The following B3GALT1 variants were observed in gnomAD, a reference collection of about 807,000 sequenced individuals.
B3GALT1 encodes the protein UDP-Gal:betaGlcNAc beta 1,3-galactosyltransferase, polypeptide 1.
A neutral mutation model predicts 23.2 loss-of-function variants in B3GALT1; 10 were observed. The observed-to-expected ratio is 0.43, with a 90% CI of 0.27 to 0.73. The LOEUF (loss-of-function observed/expected upper bound fraction) is 0.73. B3GALT1 is among the 30% of genes least tolerant of loss of function. The probability of loss-of-function intolerance (pLI) is 0.21; values close to 1 mark genes in which losing one functional copy is unlikely to be tolerated. For missense variants in B3GALT1, 299 were observed against 405.4 expected (o/e 0.74, Z 2.25); for synonymous variants, 156 against 141.5 (o/e 1.10, Z -0.73).
chr2:167,794,546 C>T (rs1444982589), intron 3 of B3GALT1, among the ~76,000 whole-genome samples: 1 of 152,178 alleles, frequency 6.6e-6, no homozygotes, highest in Non-Finnish European at 1.5e-5. Flanking sequence ...TGACTCCTCC[C>T]TAGCCAACCT....
chr2:167,735,772 G>A (rs887978505), intron 3 of B3GALT1, among the ~76,000 whole-genome samples: 3 of 152,160 alleles, frequency 2.0e-5, no homozygotes, highest in Non-Finnish European at 4.4e-5. Flanking sequence ...ATCCAGTGAA[G>A]AATATATTAA....
intron 2 of B3GALT1, among the ~76,000 whole-genome samples, chr2:167,643,742 C>A (rs1278578691): frequency 1.3e-5 from 2 of 152,188 alleles, no homozygotes; most frequent in Admixed American, 6.5e-5. Flanking sequence ...TGAACAGTAT[C>A]TGTTTACAAA....
chr2:167,327,960 C>T (rs1696920244), intron 1 of B3GALT1, among the ~76,000 whole-genome samples: 1 of 152,164 alleles, frequency 6.6e-6, no homozygotes, highest in African/African-American at 2.4e-5. Context: ...AATACTTTTT[C>T]TGCATCTATT....
intron 3 of B3GALT1, among the ~76,000 whole-genome samples, chr2:167,769,648 A>G (rs1688038412): frequency 1.3e-5 from 2 of 152,156 alleles, no homozygotes; most frequent in South Asian, 4.1e-4. Context: ...TATCATATAA[A>G]TAGCATCATA....
chr2:167,609,401 G>A (rs1685020061), intron 2 of B3GALT1, among the ~76,000 whole-genome samples: 1 of 152,094 alleles, frequency 6.6e-6, no homozygotes, highest in African/African-American at 2.4e-5. Context: ...GCCAACTTAA[G>A]CTGATTTAGG....
chr2:167,361,977 G>C (rs1203750724), intron 1 of B3GALT1, among the ~76,000 whole-genome samples: 2 of 152,112 alleles, frequency 1.3e-5, no homozygotes, highest in African/African-American at 4.8e-5. Context: ...AGGAGGCTGA[G>C]GCAGGAGAAT....
intron 1 of B3GALT1, among the ~76,000 whole-genome samples, chr2:167,415,168 G>A (rs561862327): frequency 6.6e-6 from 1 of 152,294 alleles, no homozygotes; most frequent in African/African-American, 2.4e-5. Context: ...GACAAGTGGG[G>A]CCTTGAAGAA....
intron 1 of B3GALT1, among the ~76,000 whole-genome samples, chr2:167,302,376 A>T (rs1696464890): frequency 6.6e-6 from 1 of 152,154 alleles, no homozygotes; most frequent in Non-Finnish European, 1.5e-5. Flanking sequence ...GGGTGAAATG[A>T]TAATGGCTTT....
At chr2:167,351,955 A>AT (rs71031283) in intron 1 of B3GALT1, among the ~76,000 whole-genome samples, 13,749 of 132,750 alleles carry the variant, frequency 0.1, 1,292 homozygotes, top group African/African-American at 0.25. Context: ...GCTGTTTTTG[A>AT]TTTTTTTTTT....
intron 3 of B3GALT1, among the ~76,000 whole-genome samples, chr2:167,680,358 GT>G (rs1452422254): frequency 1.3e-5 from 2 of 152,078 alleles, no homozygotes; most frequent in Non-Finnish European, 2.9e-5. Context: ...CTGTCAAAAT[GT>G]TTTGTGTTGA....
chr2:167,547,693 C>CAAAAAAAAAAAAAAAAA (rs71031296), intron 2 of B3GALT1, among the ~76,000 whole-genome samples: 1 of 75,500 alleles, frequency 1.3e-5, no homozygotes, highest in African/African-American at 3.7e-5. Context: ...GACTCTGTCT[C>CAAAAAAAAAAAAAAAAA]AAAAAAAAAA....
chr2:167,370,199 C>T (rs1237132852), intron 1 of B3GALT1, among the ~76,000 whole-genome samples: 1 of 151,880 alleles, frequency 6.6e-6, no homozygotes, highest in Admixed American at 6.6e-5. Flanking sequence ...TACTTTATTG[C>T]TGTATATACA....
chr2:167,525,855 A>C (rs187406861), intron 2 of B3GALT1, among the ~76,000 whole-genome samples: 102 of 151,590 alleles, frequency 6.7e-4, no homozygotes, highest in Non-Finnish European at 1.1e-3. Context: ...CTTAAGTCTT[A>C]AGTGATCCTC....
intron 3 of B3GALT1, chr2:167,715,076 T>C: frequency 1.9e-6 from 3 of 1,612,640 alleles, no homozygotes; most frequent in East Asian, 2.2e-5. Context: ...TCTTTCTCCT[T>C]CTAAGGCTTT....
intron 3 of B3GALT1, among the ~76,000 whole-genome samples, chr2:167,717,957 C>T (rs1687176957): frequency 6.6e-6 from 1 of 152,138 alleles, no homozygotes; most frequent in Non-Finnish European, 1.5e-5. Flanking sequence ...ATCATTTTAA[C>T]ATGTTAAGGA....
chr2:167,308,462 A>G (rs1696582353), intron 1 of B3GALT1, among the ~76,000 whole-genome samples: 1 of 152,010 alleles, frequency 6.6e-6, no homozygotes, highest in Non-Finnish European at 1.5e-5. Flanking sequence ...ATACTTTACT[A>G]TGCTATTTTA....
At position 167,615,606 on chromosome 2, in the gene B3GALT1, G is replaced by A. The variant is rs533616141; in HGVS notation, c.-409-31303G>A. On this transcript the variant is annotated intron_variant, in intron 2 of 4. Coordinates refer to ENST00000392690, the MANE Select transcript of B3GALT1 (RefSeq NM_020981.4). ...TGTCAATTCTATTTATACATGTATC[G>A]AAACGTGTTGCATACCATAAATATA... 2.6e-4 allele frequency among the ~76,000 whole-genome samples: 39 copies of A among 151,808 alleles called. No homozygotes were observed. The South Asian group carries it at 7.3e-3, about 28-fold the overall frequency.
chr2:167,578,906 C>T (rs1684430204), intron 2 of B3GALT1, among the ~76,000 whole-genome samples: 1 of 151,942 alleles, frequency 6.6e-6, no homozygotes, highest in Non-Finnish European at 1.5e-5. Context: ...ATATTCAAAC[C>T]ACAGAATGGA....
At chr2:167,510,733 C>A (rs1699992448) in intron 2 of B3GALT1, among the ~76,000 whole-genome samples, 1 of 151,890 alleles carries the variant, frequency 6.6e-6, no homozygotes, top group Admixed American at 6.6e-5. Flanking sequence ...AGAGCAATTC[C>A]CGTGGAGTAG....
Sources: allele counts gnomAD v4.1 joint callset (sites outside exome capture counted in the v4.1 genomes callset), GRCh38; gene constraint gnomAD v4.1.1; transcripts MANE v1.5; gene names NCBI Gene and HGNC (gene_info 2026-07-23, HGNC 2026-07-21).